Variants in CRPPA observed in about 807,000 individuals in gnomAD.
CRPPA encodes the protein CDP-L-ribitol pyrophosphorylase A, also known as D-ribitol-5-phosphate cytidylyltransferase.
CRPPA carries 43 observed loss-of-function variants against 52.0 expected under a neutral mutation model. The ratio of observed to expected loss-of-function variants is 0.83; its 90% CI spans 0.65 to 1.07. CRPPA has a LOEUF of 1.07. Among genes scored for constraint, CRPPA ranks in the 50% least tolerant of loss-of-function variants. CRPPA has a pLI of 0.00. For missense variants in CRPPA, 629 were observed against 551.7 expected (o/e 1.14, Z -1.40); for synonymous variants, 250 against 203.5 (o/e 1.23, Z -1.94).
chr7:16,210,027 C>T (rs551634466), intron 9 of CRPPA, among the ~76,000 whole-genome samples: 1 of 152,048 alleles, frequency 6.6e-6, no homozygotes, highest in African/African-American at 2.4e-5. Flanking sequence ...GGATCTGATC[C>T]AAATCAAGCT....
At chr7:16,214,529 A>C (rs1782249591) in intron 9 of CRPPA, among the ~76,000 whole-genome samples, 1 of 151,786 alleles carries the variant, frequency 6.6e-6, no homozygotes, top group Non-Finnish European at 1.5e-5. Flanking sequence ...ACAGGGCCTC[A>C]CTCTTTTTCC....
At chr7:16,118,233 C>T (rs552791214) in intron 9 of CRPPA, among the ~76,000 whole-genome samples, 1 of 152,310 alleles carries the variant, frequency 6.6e-6, no homozygotes, top group African/African-American at 2.4e-5. Flanking sequence ...ACTTCTGTCT[C>T]TCTGAGGTAC....
intron 5 of CRPPA, among the ~76,000 whole-genome samples, chr7:16,292,364 T>C (rs1784581080): frequency 6.6e-6 from 1 of 151,946 alleles, no homozygotes; most frequent in African/African-American, 2.4e-5. Flanking sequence ...ATGCTATAGC[T>C]ATGTACTATT....
intron 8 of CRPPA, among the ~76,000 whole-genome samples, chr7:16,253,016 T>C (rs10252017): frequency 0.15 from 22,410 of 152,202 alleles, 1,806 homozygotes; most frequent in African/African-American, 0.22. Context: ...TTAGTCTTGC[T>C]AGTGGTCTAT....
At position 16,231,055 on chromosome 7, in the gene CRPPA, G is replaced by A. The variant is rs1782779642; in HGVS notation, c.1120-14858C>T. On this transcript the variant is annotated intron_variant, in intron 8 of 9. Transcript: ENST00000407010. Reference sequence around the variant, plus strand: ...TACTGGCTTGAAATACAAAGCTGTGGGGATCACCCTGGTGTTGAGTATTAT... The same window carrying A: ...TACTGGCTTGAAATACAAAGCTGTGAGGATCACCCTGGTGTTGAGTATTAT... Among the ~76,000 whole-genome samples, 2 of 152,144 alleles carry A rather than the reference G, an allele frequency of 1.3e-5. 1 individual carries two copies. The highest frequency in any genetic ancestry group is 4.1e-4 in the South Asian group (2 of 4,824).
intron 9 of CRPPA, among the ~76,000 whole-genome samples, chr7:16,178,348 T>G (rs541603818): frequency 6.6e-6 from 1 of 152,136 alleles, no homozygotes; most frequent in African/African-American, 2.4e-5. Context: ...CAGTACCATA[T>G]GAAGTACAGT....
intron 3 of CRPPA, among the ~76,000 whole-genome samples, chr7:16,324,372 C>T (rs1481064477): frequency 6.6e-6 from 1 of 152,226 alleles, no homozygotes; most frequent in Non-Finnish European, 1.5e-5. Context: ...GAGATCATTT[C>T]ATTTGTTTTC....
chr7:16,356,074 A>C (rs1240807545), intron 3 of CRPPA, among the ~76,000 whole-genome samples: 1 of 152,224 alleles, frequency 6.6e-6, no homozygotes, highest in Non-Finnish European at 1.5e-5. Flanking sequence ...ATTACAGAGA[A>C]AAATTCTAGA....
intron 9 of CRPPA, among the ~76,000 whole-genome samples, chr7:16,137,258 C>G (rs930410524): frequency 9.9e-5 from 15 of 152,168 alleles, no homozygotes; most frequent in African/African-American, 3.6e-4. Context: ...TGTCTATGAA[C>G]CAGGAATCAG....
intron 6 of CRPPA, among the ~76,000 whole-genome samples, chr7:16,260,231 AT>A (rs1783759019): frequency 6.6e-6 from 1 of 152,028 alleles, no homozygotes; most frequent in Non-Finnish European, 1.5e-5. Flanking sequence ...CTTTGCAAGG[AT>A]GTTTGTACAA....
In CRPPA at chr7:16,147,853, A is replaced by G. The variant is rs999556381; in HGVS notation, c.1252-56054T>C. ...TTCATCCATATTTTATAAATATTCT[A>G]GTACCAACTATGTGTCAGGATTTTC... On this transcript the variant is annotated intron_variant, in intron 9 of 9. Transcript: ENST00000407010. 2.0e-5 allele frequency among the ~76,000 whole-genome samples: 3 copies of G among 152,180 alleles called. No individual in the cohort carries two copies. The East Asian group carries it at 5.8e-4, about 29-fold the overall frequency.
chr7:16,392,487 C>A (rs879429024), intron 2 of CRPPA, among the ~76,000 whole-genome samples: 8 of 152,086 alleles, frequency 5.3e-5, no homozygotes, highest in Non-Finnish European at 8.8e-5. Context: ...ATATTCCAAG[C>A]ATTATGCTTT....
At chr7:16,241,983 G>C (rs1300746587) in intron 8 of CRPPA, among the ~76,000 whole-genome samples, 1 of 107,648 alleles carries the variant, frequency 9.3e-6, no homozygotes, top group Non-Finnish European at 1.8e-5. Flanking sequence ...GGGGGAGATA[G>C]AGTCTCGCTC....
At chr7:16,113,651 T>C (rs955248223) in intron 9 of CRPPA, among the ~76,000 whole-genome samples, 3 of 151,934 alleles carry the variant, frequency 2.0e-5, no homozygotes, top group Non-Finnish European at 4.4e-5. Context: ...ATTTTTAAAG[T>C]GCTAAAATCA....
intron 9 of CRPPA, among the ~76,000 whole-genome samples, chr7:16,184,110 T>A (rs1229390033): frequency 6.6e-6 from 1 of 151,884 alleles, no homozygotes; most frequent in African/African-American, 2.4e-5. Context: ...CCCCGCTAAT[T>A]TTTTGTATTT....
At chr7:16,261,731 T>C (rs981886596) in intron 6 of CRPPA, among the ~76,000 whole-genome samples, 1 of 152,082 alleles carries the variant, frequency 6.6e-6, no homozygotes, top group African/African-American at 2.4e-5. Context: ...TTTTTAATTG[T>C]TACATGTTTT....
intron 9 of CRPPA, among the ~76,000 whole-genome samples, chr7:16,158,041 A>AT (rs750989831): frequency 0.014 from 1,941 of 136,736 alleles, 29 homozygotes; most frequent in African/African-American, 0.044. Flanking sequence ...CGCCCAGCTA[A>AT]TTTTTTTTTT....
At chr7:16,111,122 T>C (rs1399229869) in intron 9 of CRPPA, among the ~76,000 whole-genome samples, 4 of 151,898 alleles carry the variant, frequency 2.6e-5, no homozygotes, top group African/African-American at 9.7e-5. Flanking sequence ...GCAAGGGACC[T>C]GAATAAACAT....
intron 2 of CRPPA, among the ~76,000 whole-genome samples, chr7:16,380,856 T>C (rs1394494393): frequency 1.3e-5 from 2 of 152,286 alleles, no homozygotes; most frequent in South Asian, 2.1e-4. Context: ...TCATTTTTCA[T>C]TGTGTCTATT....
Sources: gnomAD v4.1 joint callset for allele counts (sites outside exome capture counted in the v4.1 genomes callset) on GRCh38, gnomAD v4.1.1 for gene constraint, MANE v1.5 for transcripts, NCBI Gene and HGNC (gene_info 2026-07-23, HGNC 2026-07-21) for gene names.